ADSS2: variants seen among roughly 807,000 people sequenced by gnomAD.
The protein encoded by ADSS2 is adenylosuccinate synthase 2.
ADSS2 carries 30 observed loss-of-function variants against 60.0 expected under a neutral mutation model. The ratio of observed to expected loss-of-function variants is 0.50; its 90% CI spans 0.37 to 0.68. The LOEUF is 0.68. Ranked by LOEUF, ADSS2 falls within the 30% of genes least tolerant of loss-of-function variation. The probability of loss-of-function intolerance (pLI) is 0.00; values close to 1 mark genes in which losing one functional copy is unlikely to be tolerated. For synonymous variants in ADSS2, 187 were observed against 193.1 expected (o/e 0.97, Z 0.26); for missense variants, 373 against 554.8 (o/e 0.67, Z 3.29).
intron 3 of ADSS2, among the ~76,000 whole-genome samples, chr1:244,434,897 G>A (rs907278253): frequency 2.0e-5 from 3 of 151,964 alleles, no homozygotes; most frequent in Non-Finnish European, 2.9e-5. Flanking sequence ...GGCGGGGCGC[G>A]GTGGCTCACA....
intron 1 of ADSS2, among the ~76,000 whole-genome samples, chr1:244,438,200 A>T (rs986347771): frequency 1.3e-4 from 20 of 152,154 alleles, no homozygotes; most frequent in Admixed American, 6.5e-5. Flanking sequence ...TATTCATAGA[A>T]TTCCCATCAT....
chr1:244,409,477 A>C lies in ADSS2; in HGVS notation c.*109T>G. ...AGACTGGAAACAACTGTAGGGCTTC[A>C]AACTTACTTCAGTGTCTTTATTCTT... On this transcript the variant is annotated 3_prime_UTR_variant, in exon 13 of 13. Coordinates refer to ENST00000366535, the MANE Select transcript of ADSS2 (RefSeq NM_001126.5). 1.2e-6 allele frequency: 1 copy of C among 859,174 alleles called. No homozygotes were observed. Among genetic ancestry groups the C allele is most frequent in the Non-Finnish European group, 1.9e-6 (1 of 534,634 alleles). 53.2% of individuals were successfully genotyped at this position (859,174 alleles called of 1,614,324 possible). A position where few individuals can be genotyped will look rare whatever the true frequency, so the allele number is the denominator to read the frequency against.
At chr1:244,421,052 AGGGCCACGAGTTACACTGCC>A (rs1664665964) in intron 7 of ADSS2, among the ~76,000 whole-genome samples, 1 of 5,950 alleles carries the variant, frequency 1.7e-4, no homozygotes, top group East Asian at 3.2e-3. Context: ...TTACACTGCC[AGGGCCACGAGTTACACTGCC>A]AAGTATGCAA....
At chr1:244,424,108 G>A in intron 5 of ADSS2, 48 bp from the exon 6 acceptor site, 2 of 1,487,244 alleles carry the variant, frequency 1.3e-6, no homozygotes, top group Non-Finnish European at 1.9e-6. Flanking sequence ...GAAAGATGTA[G>A]GTCTCCTGGT....
At chr1:244,417,802 T>G (rs1410981494) in intron 9 of ADSS2, 50 bp from the exon 10 acceptor site, 5 of 1,556,690 alleles carry the variant, frequency 3.2e-6, no homozygotes, top group Non-Finnish European at 4.4e-6. Flanking sequence ...GTGCTATATA[T>G]CTGGTGGAAT....
At chr1:244,443,139 C>T (rs922670577) in intron 1 of ADSS2, among the ~76,000 whole-genome samples, 4 of 152,258 alleles carry the variant, frequency 2.6e-5, no homozygotes, top group Admixed American at 6.5e-5. Flanking sequence ...CCAGATAGTA[C>T]CAAACAAATG....
At chr1:244,428,442 G>C (rs1664857207) in intron 4 of ADSS2, among the ~76,000 whole-genome samples, 1 of 151,484 alleles carries the variant, frequency 6.6e-6, no homozygotes, top group Non-Finnish European at 1.5e-5. Flanking sequence ...AATTACATGT[G>C]TTAGAGGAAC....
chr1:244,417,836 A>AAGCCTCTTTGAGATAAACATCTTTCAGGT (rs1241167022), intron 9 of ADSS2, 84 bp from the exon 10 acceptor site: 20 of 1,307,972 alleles, frequency 1.5e-5, no homozygotes, highest in Admixed American at 2.3e-5. Context: ...GATCATAGCA[A>AAGCCTCTTTGAGATAAACATCTTTCAGGT]AGCCTCTTTG....
intron 11 of ADSS2, among the ~76,000 whole-genome samples, chr1:244,413,747 G>C (rs1051765281): frequency 1.3e-5 from 2 of 152,134 alleles, no homozygotes; most frequent in African/African-American, 2.4e-5. Context: ...TACACAGTTG[G>C]GGGTGGAACA....
At chr1:244,433,034 C>T (rs1165454758) in intron 3 of ADSS2, among the ~76,000 whole-genome samples, 1 of 151,946 alleles carries the variant, frequency 6.6e-6, no homozygotes, top group African/African-American at 2.4e-5. Context: ...GCCAGGGGTT[C>T]GAGACCAGCC....
At chr1:244,426,732 C>T (rs1429129123) in intron 4 of ADSS2, among the ~76,000 whole-genome samples, 1 of 152,098 alleles carries the variant, frequency 6.6e-6, no homozygotes, top group Non-Finnish European at 1.5e-5. Context: ...ACTCAACTGT[C>T]ACTTTTCAGT....
intron 1 of ADSS2, among the ~76,000 whole-genome samples, chr1:244,439,038 C>T (rs577215296): frequency 6.6e-6 from 1 of 152,166 alleles, no homozygotes; most frequent in Non-Finnish European, 1.5e-5. Context: ...CCATACCCCA[C>T]TCTTACCACT....
chr1:244,421,733 C>T (rs1381488257), intron 7 of ADSS2, among the ~76,000 whole-genome samples: 4 of 152,198 alleles, frequency 2.6e-5, no homozygotes, highest in Non-Finnish European at 5.9e-5. Context: ...AACCCCAGCA[C>T]TTTGGGAGGC....
At chr1:244,427,112 C>T (rs1421274176) in intron 4 of ADSS2, among the ~76,000 whole-genome samples, 1 of 152,098 alleles carries the variant, frequency 6.6e-6, no homozygotes. Flanking sequence ...AAAAGCATCT[C>T]TTATAGTACA....
intron 1 of ADSS2, among the ~76,000 whole-genome samples, chr1:244,445,247 A>G (rs1665355991): frequency 6.6e-6 from 1 of 152,234 alleles, no homozygotes; most frequent in African/African-American, 2.4e-5. Flanking sequence ...GCTTGCAAAC[A>G]AAGAACACAA....
Position 244,420,263 on chromosome 1 carries a change from C to T in ADSS2, c.697G>A (p.Asp233Asn), listed in dbSNP as rs1167416187. The T allele has an allele frequency of 6.2e-7, 1 of 1,613,360 alleles. No homozygotes were observed. The highest frequency in any genetic ancestry group is 1.3e-5 in the African/African-American group (1 of 74,908). The part of the protein sequence containing the change: ...YMEKIKPMVR[D>N]GVYFLYEALH... ...GCCTCATATAGAAAATAAACTCCAT[C>T]TCTCACCATTGGTTTAATCTTTTCC... is the stretch of plus-strand genomic sequence containing the variant. Residue 233 changes from aspartate (D) to asparagine (N), a missense_variant, in exon 8 of 13, where the codon GAT becomes AAT. By Grantham distance (23) the Asp-to-Asn change is conservative. Transcript: ENST00000366535.
intron 1 of ADSS2, among the ~76,000 whole-genome samples, chr1:244,448,355 A>C (rs1572151196): frequency 6.6e-6 from 1 of 152,232 alleles, no homozygotes; most frequent in African/African-American, 2.4e-5. Flanking sequence ...CTAGCTAGAA[A>C]ATAGTAATAT....
rs759334673 is a variant in ADSS2 at position 244,408,649 on chromosome 1, A to G, written c.*937T>C. On this transcript the variant is annotated 3_prime_UTR_variant, in exon 13 of 13. Transcript: ENST00000366535. ...AAAATAACACCTTTTTTTTTTCAAG[A>G]AAGGAGAAATAAAGGCATAATCAAA... is the stretch of plus-strand genomic sequence containing the variant. The G allele has an allele frequency of 1.3e-5, 2 of 152,122 alleles. No individual in the cohort carries two copies. Among genetic ancestry groups the G allele is most frequent in the Non-Finnish European group, 2.9e-5 (2 of 67,906 alleles). 9.4% of individuals were successfully genotyped at this position (152,122 alleles called of 1,614,324 possible). A position where few individuals can be genotyped will look rare whatever the true frequency, so the allele number is the denominator to read the frequency against.
intron 1 of ADSS2, among the ~76,000 whole-genome samples, chr1:244,440,186 T>G (rs1263647461): frequency 6.6e-6 from 1 of 152,236 alleles, no homozygotes; most frequent in East Asian, 1.9e-4. Context: ...CTGGTGTTCC[T>G]GTAGGAGAAC....
Sources: allele counts gnomAD v4.1 joint callset (sites outside exome capture counted in the v4.1 genomes callset), GRCh38; gene constraint gnomAD v4.1.1; transcripts MANE v1.5; gene names NCBI Gene and HGNC (gene_info 2026-07-23, HGNC 2026-07-21).